The following ROBO2 variants were observed in gnomAD, a reference collection of about 807,000 sequenced individuals.
ROBO2 encodes the protein roundabout homolog 2.
In ROBO2, 53 loss-of-function variants were observed where a neutral mutation model predicts 160.8. The ratio of observed to expected loss-of-function variants is 0.33; its 90% confidence interval spans 0.26 to 0.41. The LOEUF is 0.41. Among genes scored for constraint, ROBO2 ranks in the 10% least tolerant of loss-of-function variants. The pLI is 1.00. For synonymous variants in ROBO2, 664 were observed against 611.7 expected (o/e 1.09, Z -1.26); for missense variants, 1,577 against 1,722.4 (o/e 0.92, Z 1.49).
intron 4 of ROBO2, among the ~76,000 whole-genome samples, chr3:77,481,739 T>C (rs994680529): frequency 6.6e-6 from 1 of 152,202 alleles, no homozygotes; most frequent in Non-Finnish European, 1.5e-5. Flanking sequence ...AGATATTTTG[T>C]TATGATATTC....
chr3:76,268,820 T>G (rs3887039), intron 2 of ROBO2, among the ~76,000 whole-genome samples: 50,370 of 151,966 alleles, frequency 0.33, 8,912 homozygotes, highest in Non-Finnish European at 0.41. Flanking sequence ...AGGCAACATG[T>G]AGCCCTGAGT....
intron 2 of ROBO2, among the ~76,000 whole-genome samples, chr3:77,114,313 G>A (rs1003929774): frequency 6.6e-6 from 1 of 152,076 alleles, no homozygotes; most frequent in African/African-American, 2.4e-5. Flanking sequence ...TGTATATTTT[G>A]TTTTCAAAAT....
chr3:77,344,069 A>T (rs998678019), intron 2 of ROBO2, among the ~76,000 whole-genome samples: 5 of 152,236 alleles, frequency 3.3e-5, no homozygotes, highest in South Asian at 2.1e-4. Flanking sequence ...CAAGAACTGT[A>T]AATGCAAAGA....
At chr3:77,444,589 G>A (rs932700302) in intron 2 of ROBO2, among the ~76,000 whole-genome samples, 3 of 151,804 alleles carry the variant, frequency 2.0e-5, no homozygotes, top group East Asian at 3.9e-4. Flanking sequence ...GTTTTAAAGA[G>A]GAAAAAGAGG....
chr3:77,268,560 T>C (rs565765997), intron 2 of ROBO2, among the ~76,000 whole-genome samples: 1 of 152,296 alleles, frequency 6.6e-6, no homozygotes, highest in African/African-American at 2.4e-5. Context: ...CTTCATTTTT[T>C]CCCATCCAAT....
chr3:76,073,393 C>T (rs1968950), intron 2 of ROBO2, among the ~76,000 whole-genome samples: 93,482 of 148,036 alleles, frequency 0.63, 30,065 homozygotes, highest in Middle Eastern at 0.78. Context: ...CCTGGGTTCC[C>T]GCCATTCTCC....
At chr3:77,503,381 C>T (rs1204775777) in intron 5 of ROBO2, among the ~76,000 whole-genome samples, 3 of 151,066 alleles carry the variant, frequency 2.0e-5, no homozygotes, top group African/African-American at 7.3e-5. Context: ...AAAAATTAGC[C>T]AGGCGTGGTG....
intron 17 of ROBO2, among the ~76,000 whole-genome samples, 197 bp downstream of exon 18, chr3:77,589,130 G>A (rs11929379): frequency 0.03 from 4,527 of 152,164 alleles, 214 homozygotes; most frequent in African/African-American, 0.1. Flanking sequence ...CAGTCTGTTT[G>A]CTTGTAGCTC....
rs185374051 is a variant in ROBO2, at chr3:76,924,014, A to G, written c.110-174000A>G. 1.4e-3 allele frequency among the ~76,000 whole-genome samples: 213 copies of G among 152,330 alleles called. 2 individuals are homozygous for G. The highest frequency in any genetic ancestry group is 2.4e-4 in the Non-Finnish European group (16 of 68,032). On this transcript the variant is annotated intron_variant, in intron 2 of 26. Transcript: ENST00000487694. ...TTGATTTGTGAAATCATTAATTGTC[A>G]TCTCTTATGTTTAATCACTTTTTTT...
chr3:76,654,938 T>TATATATATAA (rs1298681501), intron 2 of ROBO2, among the ~76,000 whole-genome samples: 1 of 148,328 alleles, frequency 6.7e-6, no homozygotes, highest in Non-Finnish European at 1.5e-5. Context: ...TTTATATATA[T>TATATATATAA]AAATTTAAAG....
intron 2 of ROBO2, among the ~76,000 whole-genome samples, chr3:77,407,023 G>T (rs968296648): frequency 1.3e-5 from 2 of 152,064 alleles, no homozygotes; most frequent in African/African-American, 4.8e-5. Flanking sequence ...ATAGGGTCTT[G>T]CTATGTTTCC....
chr3:77,395,118 ATTTTCTACCCTCCCTCCTCCATATAGG>A (rs2075140920), intron 2 of ROBO2, among the ~76,000 whole-genome samples: 1 of 152,062 alleles, frequency 6.6e-6, no homozygotes, highest in Non-Finnish European at 1.5e-5. Flanking sequence ...AGTATTTGCT[ATTTTCTACCCTCCCTCCTCCATATAGG>A]ATTGCCACAG....
rs2086668806 is a variant in ROBO2 at position 77,227,834 on chromosome 3, A to AG, written c.388+129494_388+129495insG. ...TGTCATTGACTGTCAAGTCAGTCAA[A>AG]ATAGTGAAACTAGTTTTCGCATGTA... On this transcript the variant is annotated intron_variant, in intron 2 of 25. Transcript: ENST00000461745. 5.3e-5 allele frequency among the ~76,000 whole-genome samples: 8 copies of AG among 152,374 alleles called. No homozygotes were observed. The South Asian group carries it at 1.7e-3, about 32-fold the overall frequency.
At chr3:77,430,122 G>A (rs1317071327) in intron 2 of ROBO2, among the ~76,000 whole-genome samples, 1 of 152,118 alleles carries the variant, frequency 6.6e-6, no homozygotes, top group Non-Finnish European at 1.5e-5. Flanking sequence ...GAGAAGGGAG[G>A]ACTTCTACTG....
intron 2 of ROBO2, among the ~76,000 whole-genome samples, chr3:76,831,661 T>C (rs1146019): frequency 0.13 from 19,049 of 152,226 alleles, 1,294 homozygotes; most frequent in East Asian, 0.21. Flanking sequence ...ATTTTCTATC[T>C]TTTAATGTCT....
chr3:77,636,418 C>A (rs2095264770), intron 24 of ROBO2, among the ~76,000 whole-genome samples: 1 of 151,846 alleles, frequency 6.6e-6, no homozygotes, highest in South Asian at 2.1e-4. Context: ...ATGGTGAAAC[C>A]CCCTCTCTAC....
In ROBO2 at chr3:76,368,816, T is replaced by C. The variant is rs188995471; in HGVS notation, c.109+431214T>C. ...CAGAATCTGAATGTATAGCAGGAAT[T>C]CCAATTGAGACTAAAGATACCTTGC... On this transcript the variant is annotated intron_variant, in intron 2 of 26. Transcript: ENST00000487694. Among the ~76,000 whole-genome samples, 3 of 152,078 alleles carry C rather than the reference T, an allele frequency of 2.0e-5. No homozygotes were observed. In the East Asian group the frequency reaches 5.8e-4, roughly 30 times the overall value.
At position 77,303,216 on chromosome 3, in the gene ROBO2, G is replaced by C. The variant is rs143074640; in HGVS notation, c.389-174198G>C. Among the ~76,000 whole-genome samples the C allele has an allele frequency of 5.8e-3, 883 of 152,254 alleles. 10 individuals are homozygous for C. The highest frequency in any genetic ancestry group is 8.7e-3 in the Non-Finnish European group (591 of 68,012). On this transcript the variant is annotated intron_variant, in intron 2 of 25. Transcript: ENST00000461745. ...CAAAGCACTATGGATTAAATTGTAG[G>C]TATGGAGTACCATATTAATTTGGAA...
chr3:76,438,482 A>G (rs1392387128), intron 2 of ROBO2, among the ~76,000 whole-genome samples: 1 of 151,852 alleles, frequency 6.6e-6, no homozygotes, highest in East Asian at 1.9e-4. Context: ...TACATAAAGT[A>G]ATCCTATAAA....
Sources: gnomAD v4.1 joint callset for allele counts (sites outside exome capture counted in the v4.1 genomes callset) on GRCh38, gnomAD v4.1.1 for gene constraint, MANE v1.5 for transcripts, NCBI Gene and HGNC (gene_info 2026-07-23, HGNC 2026-07-21) for gene names.